ESRP1: variants seen among roughly 807,000 people sequenced by gnomAD.
ESRP1 encodes RNA-binding motif protein 35A.
Under a neutral mutation model 81.7 loss-of-function variants are expected in ESRP1, and 33 were observed. The observed-to-expected ratio is 0.40, with a 90% CI of 0.31 to 0.54. The LOEUF is 0.54. ESRP1 is among the 20% of genes least tolerant of loss of function. The pLI is 0.41. For missense variants in ESRP1, 672 were observed against 833.1 expected, an observed-to-expected ratio of 0.81 and a Z score of 2.38; for synonymous variants, 320 against 303.3, an observed-to-expected ratio of 1.06 and a Z score of -0.57.
At position 94,701,319 on chromosome 8, in the gene ESRP1, A is replaced by G. The variant is rs113437618; in HGVS notation, c.*35+4358A>G. On this transcript the variant is annotated intron_variant, in intron 15 of 15. Transcript: ENST00000433389. ...TGAGCGATTGATCTCATGGCTGGCT[A>G]TAGGATCAGGTAAAGAAAGCTAACA... Among the ~76,000 whole-genome samples, 965 of 151,316 alleles carry G rather than the reference A, an allele frequency of 6.4e-3. 3 individuals are homozygous for G. Among genetic ancestry groups the G allele is most frequent in the Middle Eastern group, 0.021 (6 of 290 alleles).
intron 2 of ESRP1, 129 bp downstream of exon 2, chr8:94,642,213 G>C: frequency 8.3e-7 from 1 of 1,201,656 alleles, no homozygotes; most frequent in Admixed American, 2.4e-5. Context: ...CGCGTGGGTG[G>C]GAGCCCAGCC....
chr8:94,690,526 A>T (rs376780326), intron 13 of ESRP1, among the ~76,000 whole-genome samples: 10 of 152,076 alleles, frequency 6.6e-5, no homozygotes, highest in Non-Finnish European at 1.2e-4. Flanking sequence ...TGTATACAGC[A>T]GGTAATCATA....
At chr8:94,660,851 G>A (rs1188871786) in intron 4 of ESRP1, among the ~76,000 whole-genome samples, 1 of 151,652 alleles carries the variant, frequency 6.6e-6, no homozygotes, top group African/African-American at 2.4e-5. Context: ...TTTGATGAAA[G>A]GAAGAGGCAA....
intron 13 of ESRP1, chr8:94,688,155 C>T (rs1347893294): frequency 6.5e-6 from 1 of 153,290 alleles, no homozygotes; most frequent in East Asian, 1.9e-4. Context: ...ATTGAAAACA[C>T]CTCTTTCCCA....
In ESRP1 at chr8:94,667,993, G is replaced by C. The variant is rs1362929616; in HGVS notation, c.976G>C (p.Val326Leu). Residue 326 changes from valine to leucine, a missense_variant, in exon 10 of 16, where the codon GTC (valine) becomes CTC (leucine). Physicochemically the swap from Val to Leu is conservative, Grantham distance 32. Transcript: ENST00000433389. ...VAQFLSKENQ[V>L]IVRMRGLPFT... ...CCAGTTTCTCTCCAAGGAAAATCAAGTCATTGTCCGCATGCGGGGGCTCCC... is the reference window on the plus strand; with the variant it reads ...CCAGTTTCTCTCCAAGGAAAATCAACTCATTGTCCGCATGCGGGGGCTCCC... 6.2e-7 allele frequency: 1 copy of C among 1,611,164 alleles called. No homozygotes were observed. The highest frequency in any genetic ancestry group is 1.7e-4 in the Middle Eastern group (1 of 6,048).
rs753964744 is a variant in ESRP1 at position 94,664,940 on chromosome 8, C to A, written c.769C>A (p.Leu257Ile). 1.2e-6 allele frequency: 2 copies of A among 1,613,002 alleles called. No homozygotes were observed. Among genetic ancestry groups the A allele is most frequent in the Non-Finnish European group, 1.7e-6 (2 of 1,179,762 alleles). Residue 257 changes from leucine to isoleucine, a missense_variant, in exon 8 of 16, where the codon CTT becomes ATT. Transcript: ENST00000433389. Reference protein sequence around the residue: ...GLNIAKGGAALCLNAQGRRNG... With the variant: ...GLNIAKGGAAICLNAQGRRNG... ...TTATTCTCAAAGGGGAGGTGCAGCA[C>A]TTTGTCTGAATGCTCAGGGTCGAAG...
chr8:94,687,784 A>T (rs1464664049), intron 13 of ESRP1, among the ~76,000 whole-genome samples: 1 of 151,938 alleles, frequency 6.6e-6, no homozygotes, highest in Non-Finnish European at 1.5e-5. Flanking sequence ...TCACTTGTAA[A>T]TTTTTTTCAT....
At chr8:94,651,774 G>A (rs1358701590) in intron 4 of ESRP1, among the ~76,000 whole-genome samples, 2 of 151,682 alleles carry the variant, frequency 1.3e-5, no homozygotes, top group East Asian at 1.9e-4. Flanking sequence ...CCTCCACCTC[G>A]CCTGGCTGAT....
chr8:94,680,346 A>T (rs1277360234), intron 13 of ESRP1, among the ~76,000 whole-genome samples: 1 of 152,246 alleles, frequency 6.6e-6, no homozygotes, highest in Non-Finnish European at 1.5e-5. Flanking sequence ...CATGGGAATT[A>T]TATGCTCTTA....
chr8:94,682,187 C>A (rs1220196502), intron 13 of ESRP1, among the ~76,000 whole-genome samples: 1 of 152,138 alleles, frequency 6.6e-6, no homozygotes, highest in Non-Finnish European at 1.5e-5. Flanking sequence ...TCTTTCATTA[C>A]ATCAAGCCCT....
Position 94,697,930 on chromosome 8 carries a change from G to A in ESRP1, c.*35+969G>A, listed in dbSNP as rs1356884057. ...CGAGTAGCTGGGATTACAGGCACCTGCCACCATGCCTGGCTTTTTTTTTGT... is the reference window on the plus strand; with the variant it reads ...CGAGTAGCTGGGATTACAGGCACCTACCACCATGCCTGGCTTTTTTTTTGT... On this transcript the variant is annotated intron_variant, in intron 15 of 15. Coordinates refer to ENST00000433389, the MANE Select transcript of ESRP1 (RefSeq NM_017697.4). Among the ~76,000 whole-genome samples the A allele has an allele frequency of 2.0e-5, 3 of 151,966 alleles. No individual in the cohort carries two copies. The South Asian group carries it at 6.2e-4, about 32-fold the overall frequency.
At chr8:94,666,087 A>G (rs1819002492) in intron 9 of ESRP1, among the ~76,000 whole-genome samples, 2 of 152,212 alleles carry the variant, frequency 1.3e-5, no homozygotes, top group South Asian at 2.1e-4. Context: ...TTCTATATAT[A>G]TATCTACTTT....
intron 3 of ESRP1, among the ~76,000 whole-genome samples, chr8:94,644,232 C>T (rs1171377880): frequency 6.6e-6 from 1 of 152,172 alleles, no homozygotes; most frequent in African/African-American, 2.4e-5. Context: ...TACACTGTCT[C>T]TTAACAACTT....
At chr8:94,697,582 C>T (rs1316715945) in intron 15 of ESRP1, among the ~76,000 whole-genome samples, 1 of 152,182 alleles carries the variant, frequency 6.6e-6, no homozygotes, top group Non-Finnish European at 1.5e-5. Context: ...GGACATACGA[C>T]ATTTTATTTA....
At chr8:94,701,126 T>A (rs918063991) in intron 15 of ESRP1, among the ~76,000 whole-genome samples, 1 of 151,378 alleles carries the variant, frequency 6.6e-6, no homozygotes, top group Non-Finnish European at 1.5e-5. Context: ...TAGAAAAAAA[T>A]TAGCTGGGTG....
chr8:94,664,150 G>C (rs190658204), intron 6 of ESRP1, among the ~76,000 whole-genome samples: 1,640 of 128,148 alleles, frequency 0.013, 30 homozygotes, highest in African/African-American at 0.044. Flanking sequence ...TTGAGAGGGA[G>C]TCTTGCTCTA....
intron 9 of ESRP1, among the ~76,000 whole-genome samples, chr8:94,665,838 G>A (rs900358210): frequency 2.6e-5 from 4 of 152,118 alleles, no homozygotes; most frequent in Admixed American, 6.6e-5. Flanking sequence ...GCTTTCAAAC[G>A]GCCACGCTGC....
chr8:94,703,108 GT>G (rs201767398), intron 15 of ESRP1, among the ~76,000 whole-genome samples: 1,836 of 128,492 alleles, frequency 0.014, 38 homozygotes, highest in African/African-American at 0.046. Flanking sequence ...GAGATTGATT[GT>G]TTTTTTTTTT....
At chr8:94,703,853 G>T (rs554111683) in intron 15 of ESRP1, among the ~76,000 whole-genome samples, 1 of 152,290 alleles carries the variant, frequency 6.6e-6, no homozygotes, top group Admixed American at 6.5e-5. Flanking sequence ...GCCTCTTAGG[G>T]GCTTGAGATT....
Sources: gnomAD v4.1 joint callset for allele counts (sites outside exome capture counted in the v4.1 genomes callset) on GRCh38, gnomAD v4.1.1 for gene constraint, MANE v1.5 for transcripts, NCBI Gene and HGNC (gene_info 2026-07-23, HGNC 2026-07-21) for gene names.